SELENOI: variants seen among roughly 807,000 people sequenced by gnomAD.
SELENOI encodes the protein ethanolaminephosphotransferase 1.
Under a neutral mutation model 50.7 loss-of-function variants are expected in SELENOI, and 24 were observed. The observed-to-expected ratio is 0.47, with a 90% CI of 0.34 to 0.67. The LOEUF (loss-of-function observed/expected upper bound fraction) is 0.67, where lower values mean the gene tolerates loss of function less well. SELENOI is among the 30% of genes least tolerant of loss of function. The probability of loss-of-function intolerance (pLI) is 0.01; values close to 1 mark genes in which losing one functional copy is unlikely to be tolerated. For synonymous variants in SELENOI, 155 were observed against 170.2 expected (o/e 0.91, Z 0.70); for missense variants, 352 against 461.4 (o/e 0.76, Z 2.17).
chr2:26,370,978 C>T (rs1677421598), intron 4 of SELENOI, among the ~76,000 whole-genome samples: 1 of 133,046 alleles, frequency 7.5e-6, no homozygotes. Context: ...GGGCGGGGGG[C>T]TGACCCCCCC....
intron 6 of SELENOI, among the ~76,000 whole-genome samples, chr2:26,377,016 T>G (rs1029947866): frequency 2.0e-5 from 3 of 152,214 alleles, no homozygotes; most frequent in African/African-American, 2.4e-5. Flanking sequence ...TTTCTTGGTA[T>G]TTGTTGAGCT....
At chr2:26,371,705 AC>A (rs1487624205) in intron 4 of SELENOI, among the ~76,000 whole-genome samples, 1 of 152,258 alleles carries the variant, frequency 6.6e-6, no homozygotes, top group Non-Finnish European at 1.5e-5. Flanking sequence ...CCAAAAAAAT[AC>A]GAAAACCAGT....
At chr2:26,384,034 T>C (rs2147962303) in intron 7 of SELENOI, among the ~76,000 whole-genome samples, 1 of 152,308 alleles carries the variant, frequency 6.6e-6, no homozygotes, top group East Asian at 1.9e-4. Flanking sequence ...ATTTCTCTGA[T>C]CTATGTGCTT....
At chr2:26,354,094 C>T (rs1464765250) in intron 1 of SELENOI, among the ~76,000 whole-genome samples, 1 of 152,020 alleles carries the variant, frequency 6.6e-6, no homozygotes, top group African/African-American at 2.4e-5. Context: ...TGATAGCAAA[C>T]ATTTATATAT....
At chr2:26,356,999 T>C (rs1439689588) in intron 1 of SELENOI, among the ~76,000 whole-genome samples, 1 of 152,178 alleles carries the variant, frequency 6.6e-6, no homozygotes, top group African/African-American at 2.4e-5. Flanking sequence ...TCGTTTTCTC[T>C]CTCTTTTCCT....
chr2:26,386,331 T>G (rs376432026), intron 8 of SELENOI, 23 bp from the exon 9 acceptor site: 10 of 1,587,804 alleles, frequency 6.3e-6, no homozygotes, highest in Non-Finnish European at 6.8e-6. Flanking sequence ...TTTTCTCTCT[T>G]ATTTTTTTAA....
chr2:26,370,716 A>G (rs1574757527), intron 4 of SELENOI, among the ~76,000 whole-genome samples: 1 of 128,922 alleles, frequency 7.8e-6, no homozygotes, highest in African/African-American at 3.0e-5. Context: ...CACCTCCCGG[A>G]CGGGGCGGCT....
At chr2:26,362,850 C>T (rs1677210682) in intron 1 of SELENOI, among the ~76,000 whole-genome samples, 5 of 152,090 alleles carry the variant, frequency 3.3e-5, no homozygotes, top group Admixed American at 6.6e-5. Flanking sequence ...CCAGGTAATA[C>T]TGTGAACCCT....
intron 6 of SELENOI, among the ~76,000 whole-genome samples, chr2:26,379,171 G>C (rs375290492): frequency 2.0e-5 from 3 of 152,284 alleles, no homozygotes. Flanking sequence ...GGCTGAGGCA[G>C]GAGAATCGCT....
At chr2:26,357,729 A>T (rs1173711067) in intron 1 of SELENOI, among the ~76,000 whole-genome samples, 1 of 152,080 alleles carries the variant, frequency 6.6e-6, no homozygotes, top group Non-Finnish European at 1.5e-5. Flanking sequence ...TTCCCTTTGT[A>T]GTATTTATCA....
chr2:26,371,396 G>A (rs1363823310), intron 4 of SELENOI, among the ~76,000 whole-genome samples: 3 of 151,954 alleles, frequency 2.0e-5, no homozygotes, highest in Non-Finnish European at 4.4e-5. Flanking sequence ...GGGCAGAGAC[G>A]CTCCTCACTT....
At chr2:26,371,910 G>GGAGCGC (rs1347430661) in intron 4 of SELENOI, among the ~76,000 whole-genome samples, 1 of 151,052 alleles carries the variant, frequency 6.6e-6, no homozygotes, top group Non-Finnish European at 1.5e-5. Context: ...AGAGGGAGAG[G>GGAGCGC]GAGCGCATTC....
chr2:26,384,037 A>G (rs112782631), intron 7 of SELENOI, among the ~76,000 whole-genome samples: 10 of 152,122 alleles, frequency 6.6e-5, no homozygotes, highest in Non-Finnish European at 8.8e-5. Flanking sequence ...TCTCTGATCT[A>G]TGTGCTTCTC....
chr2:26,370,354 G>A (rs1386170682), intron 4 of SELENOI, among the ~76,000 whole-genome samples: 6 of 151,390 alleles, frequency 4.0e-5, no homozygotes, highest in Non-Finnish European at 5.9e-5. Flanking sequence ...ATCCTGGCCC[G>A]TTCTCAATGA....
intron 1 of SELENOI, among the ~76,000 whole-genome samples, chr2:26,361,948 C>T (rs1462607390): frequency 1.3e-5 from 2 of 151,878 alleles, no homozygotes; most frequent in Non-Finnish European, 2.9e-5. Flanking sequence ...GTGAGCCACG[C>T]ACCTAGCCAG....
At chr2:26,382,636 G>C (rs1677731064) in intron 6 of SELENOI, among the ~76,000 whole-genome samples, 1 of 152,134 alleles carries the variant, frequency 6.6e-6, no homozygotes. Flanking sequence ...GGCCATCTTT[G>C]TTTTAAAGTT....
At chr2:26,364,078 C>CTTTTT (rs59396679) in intron 1 of SELENOI, among the ~76,000 whole-genome samples, 3 of 114,932 alleles carry the variant, frequency 2.6e-5, no homozygotes, top group Admixed American at 9.0e-5. Flanking sequence ...CTTTCTCCCC[C>CTTTTT]TTTTTTTTTT....
In SELENOI at chr2:26,348,996, C is replaced by CTTTTTTT. The variant is rs869073468; in HGVS notation, c.57+2736_57+2742dup. Among the ~76,000 whole-genome samples, 36 of 57,708 alleles carry CTTTTTTT rather than the reference C, an allele frequency of 6.2e-4. 3 individuals carry two copies. Among genetic ancestry groups the CTTTTTTT allele is most frequent in the East Asian group, 8.6e-4 (1 of 1,162 alleles). 37.9% of individuals were successfully genotyped at this position (57,708 alleles called of 152,430 possible). A position where few individuals can be genotyped will look rare whatever the true frequency, so the allele number is the denominator to read the frequency against. On this transcript the variant is annotated intron_variant, in intron 1 of 9. Coordinates refer to ENST00000260585, the MANE Select transcript of SELENOI (RefSeq NM_033505.4). ...CTACCCATCCTTTGTTTTGGACAGGCTTTTTTTTTTTTTTTTTTTTTTTTT... is the reference window on the plus strand; with the variant it reads ...CTACCCATCCTTTGTTTTGGACAGGCTTTTTTTTTTTTTTTTTTTTTTTTTTTTTTTT...
intron 4 of SELENOI, among the ~76,000 whole-genome samples, chr2:26,369,126 C>T (rs1677353623): frequency 6.6e-6 from 1 of 152,188 alleles, no homozygotes; most frequent in Non-Finnish European, 1.5e-5. Context: ...TTCAGTGAGA[C>T]AGGCTGTCTC....
Sources: allele counts gnomAD v4.1 joint callset (sites outside exome capture counted in the v4.1 genomes callset), GRCh38; gene constraint gnomAD v4.1.1; transcripts MANE v1.5; gene names NCBI Gene and HGNC (gene_info 2026-07-23, HGNC 2026-07-21).